Variants in AP4E1 observed in about 807,000 individuals in gnomAD.
AP4E1 encodes the protein AP-4 complex subunit epsilon-1.
AP4E1 carries 56 observed loss-of-function variants against 128.2 expected under a neutral mutation model. The ratio of observed to expected loss-of-function variants is 0.44; its 90% CI spans 0.35 to 0.55. AP4E1 has a LOEUF of 0.55. AP4E1 is among the 20% of genes least tolerant of loss of function. AP4E1 has a pLI of 0.00. For synonymous variants in AP4E1, 484 were observed against 473.1 expected (o/e 1.02, Z -0.30); for missense variants, 1,324 against 1,307.7 (o/e 1.01, Z -0.19).
At chr15:50,928,804 T>C (rs984590254) in intron 5 of AP4E1, among the ~76,000 whole-genome samples, 3 of 151,894 alleles carry the variant, frequency 2.0e-5, no homozygotes, top group Middle Eastern at 3.4e-3. Flanking sequence ...GCAGTTAAAG[T>C]TTTGAGACCT....
In AP4E1 at chr15:50,997,642, C is replaced by A. The variant is rs2064896128; in HGVS notation, c.2663C>A (p.Pro888His). 5 of 1,613,918 alleles carry A rather than the reference C, an allele frequency of 3.1e-6. No individual in the cohort carries two copies. Among genetic ancestry groups the A allele is most frequent in the Non-Finnish European group, 4.2e-6 (5 of 1,180,002 alleles). Residue 888 changes from proline to histidine, a missense_variant, in exon 18 of 21, where the codon CCT (proline) becomes CAT (histidine). Pro to His is a moderately conservative substitution (Grantham distance 77). Transcript: ENST00000261842. ...FANNNMEIFH[P>H]PQSTAASVAK... Reference sequence around the variant, plus strand: ...AATAACAACATGGAAATTTTTCACCCTCCTCAATCTACTGCAGCCTCAGTT... The same window carrying A: ...AATAACAACATGGAAATTTTTCACCATCCTCAATCTACTGCAGCCTCAGTT...
chr15:50,998,017 A>C (rs1473376785), intron 18 of AP4E1, 134 bp downstream of exon 18: 1 of 676,504 alleles, frequency 1.5e-6, no homozygotes, highest in East Asian at 2.7e-5. Flanking sequence ...GCAAAGTAGA[A>C]GATTAAGGAG....
At position 50,934,556 on chromosome 15, in the gene AP4E1, G is replaced by C. The variant is rs1194601312; in HGVS notation, c.870-68G>C. The C allele has an allele frequency of 3.7e-6, 4 of 1,079,644 alleles. No individual in the cohort carries two copies. In the African/African-American group the frequency reaches 6.2e-5, roughly 17 times the overall value. 66.9% of individuals were successfully genotyped at this position (1,079,644 alleles called of 1,614,324 possible). A position where few individuals can be genotyped will look rare whatever the true frequency, so the allele number is the denominator to read the frequency against. ...TGTAGATCCTCAGTTTTAAAGAGAA[G>C]TTTGAAAAACTGTTTTATTGGGTTA... is the stretch of plus-strand genomic sequence containing the variant. On this transcript the variant is annotated intron_variant, in intron 7 of 20. Transcript: ENST00000261842.
At chr15:50,968,898 G>T (rs147753935) in intron 15 of AP4E1, among the ~76,000 whole-genome samples, 4 of 151,834 alleles carry the variant, frequency 2.6e-5, no homozygotes, top group Non-Finnish European at 5.9e-5. Flanking sequence ...GATTACAGGC[G>T]TGAGCCACTG....
At chr15:50,983,953 G>T (rs1365415714) in intron 15 of AP4E1, 69 bp from the exon 16 acceptor site, 2 of 1,522,760 alleles carry the variant, frequency 1.3e-6, no homozygotes, top group Non-Finnish European at 1.8e-6. Flanking sequence ...TTGTGGTAGT[G>T]AATGGTAACT....
chr15:50,924,422 T>G (rs1252513116), intron 4 of AP4E1, among the ~76,000 whole-genome samples: 1 of 152,114 alleles, frequency 6.6e-6, no homozygotes, highest in East Asian at 1.9e-4. Flanking sequence ...TAGAATATAA[T>G]CAAGTAACTG....
At chr15:50,958,345 G>T in intron 13 of AP4E1, 147 bp from the exon 14 acceptor site, 1 of 676,364 alleles carries the variant, frequency 1.5e-6, no homozygotes. Context: ...AAAATATACA[G>T]TTGTATCTTT....
intron 15 of AP4E1, among the ~76,000 whole-genome samples, chr15:50,968,897 C>T (rs757312181): frequency 6.6e-6 from 1 of 151,736 alleles, no homozygotes. Context: ...GGATTACAGG[C>T]GTGAGCCACT....
At chr15:51,001,279 C>A in intron 20 of AP4E1, 96 bp downstream of exon 20, 2 of 1,174,474 alleles carry the variant, frequency 1.7e-6, no homozygotes, top group Non-Finnish European at 2.5e-6. Context: ...TTTCTCAGAG[C>A]TTTATTTCCT....
At chr15:50,945,896 A>T in intron 10 of AP4E1, 1 of 1,044,856 alleles carries the variant, frequency 9.6e-7, no homozygotes, top group Non-Finnish European at 1.5e-6. Context: ...ATCATGAAAG[A>T]AGCTCGTCGA....
At chr15:50,941,644 T>C (rs376873575) in intron 9 of AP4E1, 22 bp from the exon 10 acceptor site, 3 of 1,612,068 alleles carry the variant, frequency 1.9e-6, no homozygotes, top group Non-Finnish European at 2.5e-6. Flanking sequence ...ATTCACTTTG[T>C]ATAATGTGTC....
chr15:50,964,035 G>C (rs185436460), intron 14 of AP4E1, among the ~76,000 whole-genome samples: 180 of 152,274 alleles, frequency 1.2e-3, no homozygotes, highest in African/African-American at 4.3e-3. Context: ...CCTGCATATG[G>C]ATGTCTGTAT....
Position 50,964,190 on chromosome 15 carries a change from A to C in AP4E1, c.1852-4073A>C, listed in dbSNP as rs181952499. On this transcript the variant is annotated intron_variant, in intron 14 of 20. Transcript: ENST00000261842. The stretch of plus-strand genomic sequence containing the variant: ...ATGTCATGTATGCTTTCTTTGTTTT[A>C]TTTATTTATTTTTGTCTGGTTTATT... 1.7e-4 allele frequency among the ~76,000 whole-genome samples: 26 copies of C among 149,212 alleles called. No individual in the cohort carries two copies. The East Asian group carries it at 5.0e-3, about 29-fold the overall frequency.
At chr15:50,915,379 T>C in intron 2 of AP4E1, 69 bp from the exon 3 acceptor site, 2 of 1,500,744 alleles carry the variant, frequency 1.3e-6, no homozygotes, top group East Asian at 2.3e-5. Flanking sequence ...TTTTAAATTA[T>C]GAGAACATAG....
At chr15:50,999,611 T>C (rs2064931035) in intron 19 of AP4E1, among the ~76,000 whole-genome samples, 1 of 152,154 alleles carries the variant, frequency 6.6e-6, no homozygotes. Flanking sequence ...TTTTAAAAGT[T>C]TCTCTCATTT....
chr15:50,973,034 G>A (rs930482035), intron 15 of AP4E1, among the ~76,000 whole-genome samples: 7 of 152,200 alleles, frequency 4.6e-5, no homozygotes, highest in African/African-American at 1.7e-4. Flanking sequence ...AGCCTGTTGG[G>A]AAAATACGTC....
At position 50,908,700 on chromosome 15, in the gene AP4E1, G is replaced by A; in HGVS notation, c.-79G>A. On this transcript the variant is annotated 5_prime_UTR_variant, in exon 1 of 21. Coordinates refer to ENST00000261842, the MANE Select transcript of AP4E1 (RefSeq NM_007347.5). ...AAACAGGAAGTGCCTACGGAGGCCG[G>A]GCCGGCAGCGGCGGCCGGGCATGAA... The A allele has an allele frequency of 7.2e-7, 1 of 1,387,414 alleles. No individual in the cohort carries two copies. Among genetic ancestry groups the A allele is most frequent in the South Asian group, 1.7e-5 (1 of 58,608 alleles). 85.9% of individuals were successfully genotyped at this position (1,387,414 alleles called of 1,614,324 possible).
intron 10 of AP4E1, among the ~76,000 whole-genome samples, chr15:50,947,416 A>C (rs1416551681): frequency 7.0e-5 from 3 of 42,966 alleles, no homozygotes; most frequent in Admixed American, 2.1e-4. Flanking sequence ...ACCCTGTCTC[A>C]AAAAAAAAAA....
rs1219094481 is a variant in AP4E1 at position 51,004,794 on chromosome 15, A to C, written c.*2132A>C. The C allele has an allele frequency of 6.6e-6, 1 of 152,518 alleles. No individual in the cohort carries two copies. The highest frequency in any genetic ancestry group is 1.5e-5 in the Non-Finnish European group (1 of 68,038). 9.4% of individuals were successfully genotyped at this position (152,518 alleles called of 1,614,324 possible). ...TTTAAGGAACTTCAGAGCAGTATAT[A>C]TTCTGTCTAAACTCACTGAATATTT... On this transcript the variant is annotated 3_prime_UTR_variant, in exon 21 of 21. Transcript: ENST00000261842.
Sources: allele counts gnomAD v4.1 joint callset (sites outside exome capture counted in the v4.1 genomes callset), GRCh38; gene constraint gnomAD v4.1.1; transcripts MANE v1.5; gene names NCBI Gene and HGNC (gene_info 2026-07-23, HGNC 2026-07-21).